The following TFB2M variants were observed in gnomAD, a reference collection of about 807,000 sequenced individuals.
TFB2M encodes the protein dimethyladenosine transferase 2, mitochondrial.
Under a neutral mutation model 41.3 loss-of-function variants are expected in TFB2M, and 44 were observed. The observed-to-expected ratio is 1.07, with a 90% CI of 0.84 to 1.37. TFB2M has a LOEUF of 1.37. TFB2M is among the 40% of genes most tolerant of loss of function. The pLI, the probability that TFB2M is intolerant of heterozygous loss-of-function variation, is 0.00. For synonymous variants in TFB2M, 188 were observed against 176.8 expected (o/e 1.06, Z -0.50); for missense variants, 496 against 490.2 (o/e 1.01, Z -0.11).
At position 246,553,370 on chromosome 1, in the gene TFB2M, A is replaced by G. The variant is rs75951193; in HGVS notation, c.706-2068T>C. ...AAAGTAACTTAAAAGCTAGTAATTA[A>G]AAACACAAATAAATGGAGGCCAGGC... On this transcript the variant is annotated intron_variant, in intron 4 of 7. Coordinates refer to ENST00000366514, the MANE Select transcript of TFB2M (RefSeq NM_022366.3). 1.2e-3 allele frequency among the ~76,000 whole-genome samples: 182 copies of G among 152,306 alleles called. 2 individuals are homozygous for G. In the East Asian group the frequency reaches 0.029, roughly 24 times the overall value.
chr1:246,542,561 A>T (rs1414797791), intron 7 of TFB2M, among the ~76,000 whole-genome samples: 3 of 152,086 alleles, frequency 2.0e-5, no homozygotes, highest in South Asian at 4.1e-4. Flanking sequence ...AGTCCCAGCT[A>T]CTCAGGGAAG....
intron 4 of TFB2M, among the ~76,000 whole-genome samples, chr1:246,555,098 A>G (rs12088572): frequency 0.37 from 56,765 of 152,020 alleles, 11,396 homozygotes; most frequent in Non-Finnish European, 0.45. Flanking sequence ...TATATTCAAC[A>G]TGACTAATTA....
At chr1:246,549,622 TA>T (rs895532652) in intron 5 of TFB2M, among the ~76,000 whole-genome samples, 6 of 152,046 alleles carry the variant, frequency 3.9e-5, no homozygotes. Context: ...TATTCTCTAT[TA>T]AAAAAACTAT....
At chr1:246,549,034 CAAAT>C (rs1659097405) in intron 5 of TFB2M, among the ~76,000 whole-genome samples, 1 of 152,200 alleles carries the variant, frequency 6.6e-6, no homozygotes, top group African/African-American at 2.4e-5. Context: ...TGGAAATAAA[CAAAT>C]AAAGATACTA....
chr1:246,545,329 G>T (rs1347898282), intron 6 of TFB2M, among the ~76,000 whole-genome samples: 1 of 152,032 alleles, frequency 6.6e-6, no homozygotes, highest in African/African-American at 2.4e-5. Flanking sequence ...AGGAGTTCAA[G>T]ACCAGCCTGG....
At chr1:246,562,576 C>A (rs1659482606) in intron 2 of TFB2M, among the ~76,000 whole-genome samples, 1 of 151,938 alleles carries the variant, frequency 6.6e-6, no homozygotes, top group East Asian at 1.9e-4. Context: ...GTATACAACA[C>A]GAAGATGAGG....
At chr1:246,564,228 A>G in intron 2 of TFB2M, 118 bp downstream of exon 2, 1 of 802,188 alleles carries the variant, frequency 1.2e-6, no homozygotes. Context: ...AAGATATTTC[A>G]GAGATGGCTC....
chr1:246,543,409 C>T (rs867221788), intron 7 of TFB2M, among the ~76,000 whole-genome samples: 6 of 152,158 alleles, frequency 3.9e-5, no homozygotes, highest in Admixed American at 1.3e-4. Context: ...TGGCTGGGCG[C>T]GGGAGCTCAT....
rs891602905 is a variant in TFB2M, at chr1:246,556,737, G to A, written c.557-16C>T. The A allele has an allele frequency of 2.0e-6, 3 of 1,537,730 alleles. No homozygotes were observed. Among genetic ancestry groups the A allele is most frequent in the Non-Finnish European group, 1.7e-6 (2 of 1,154,088 alleles). On this transcript the variant is annotated splice_polypyrimidine_tract_variant and intron_variant, in intron 3 of 7. Transcript: ENST00000366514. ...AAAGGGATGTCTGTTAGGAATATAA[G>A]CAAAAAGATTTGAATAAAGTTCTTA... is the stretch of plus-strand genomic sequence containing the variant.
intron 6 of TFB2M, among the ~76,000 whole-genome samples, chr1:246,545,023 T>A (rs370774782): frequency 2.5e-4 from 38 of 151,438 alleles, no homozygotes; most frequent in African/African-American, 8.7e-4. Context: ...GCCAGGATGG[T>A]CTCGATCTCC....
In TFB2M at chr1:246,564,383, G is replaced by A. The variant is rs530205512; in HGVS notation, c.365C>T (p.Ala122Val). Residue 122 changes from alanine (A) to valine (V), a missense_variant, in exon 2 of 8, where the codon GCG (alanine) becomes GTG (valine). Transcript: ENST00000366514. ...ALLEAGAKVV[A>V]LESDKTFIPH... ...AATAAAAGTTTTGTCACTTTCGAGCGCAACCACTTTGGCACCAGCTTCAAG... is the reference window on the plus strand; with the variant it reads ...AATAAAAGTTTTGTCACTTTCGAGCACAACCACTTTGGCACCAGCTTCAAG... 6.2e-7 allele frequency: 1 copy of A among 1,614,104 alleles called. No homozygotes were observed. The highest frequency in any genetic ancestry group is 8.5e-7 in the Non-Finnish European group (1 of 1,179,990).
chr1:246,556,414 C>T (rs982687031), intron 4 of TFB2M, among the ~76,000 whole-genome samples, 159 bp downstream of exon 4: 1 of 152,116 alleles, frequency 6.6e-6, no homozygotes, highest in Non-Finnish European at 1.5e-5. Flanking sequence ...CAACTGTACA[C>T]TGAAAAAGCA....
intron 4 of TFB2M, among the ~76,000 whole-genome samples, chr1:246,554,544 TG>T (rs1473755021): frequency 2.0e-5 from 3 of 152,160 alleles, no homozygotes; most frequent in Non-Finnish European, 4.4e-5. Context: ...CTAATCCCGA[TG>T]ATCTGTCACT....
At chr1:246,557,254 C>A in intron 3 of TFB2M, 127 bp downstream of exon 3, 1 of 1,078,054 alleles carries the variant, frequency 9.3e-7, no homozygotes, top group Non-Finnish European at 1.3e-6. Context: ...GCCTGGGTGA[C>A]AGAGTGAGAC....
At chr1:246,560,415 T>C (rs752786018) in intron 2 of TFB2M, among the ~76,000 whole-genome samples, 12 of 152,078 alleles carry the variant, frequency 7.9e-5, no homozygotes, top group Non-Finnish European at 1.5e-4. Context: ...CCCAGTTGCT[T>C]GGGAGGCTGA....
At chr1:246,565,289 T>C (rs1320751450) in intron 1 of TFB2M, among the ~76,000 whole-genome samples, 1 of 152,240 alleles carries the variant, frequency 6.6e-6, no homozygotes, top group Non-Finnish European at 1.5e-5. Context: ...GGAGATAAGA[T>C]CTAAGAGCAT....
chr1:246,544,947 A>G (rs1220489147), intron 6 of TFB2M, among the ~76,000 whole-genome samples: 1 of 152,152 alleles, frequency 6.6e-6, no homozygotes, highest in East Asian at 2.0e-4. Context: ...CTGGGACTAC[A>G]GGCGCCCACC....
rs1285805946 is a variant in TFB2M at position 246,566,229 on chromosome 1, G to T, written c.-91C>A. ...GGTATCCCACGTGGAACATTTTCTGGCGTCCGGGCCAGGTCAAGCGGAAGT... is the reference window on the plus strand; with the variant it reads ...GGTATCCCACGTGGAACATTTTCTGTCGTCCGGGCCAGGTCAAGCGGAAGT... On this transcript the variant is annotated 5_prime_UTR_variant, in exon 1 of 8. Transcript: ENST00000366514. The T allele has an allele frequency of 1.1e-5, 15 of 1,360,784 alleles. No individual in the cohort carries two copies. The East Asian group carries it at 3.1e-4, about 28-fold the overall frequency. The allele number at this position is 1,360,784 out of a possible 1,614,324, so 84.3% of individuals were successfully genotyped here. A position where few individuals can be genotyped will look rare whatever the true frequency, so the allele number is the denominator to read the frequency against.
chr1:246,546,114 C>T (rs955912527), intron 6 of TFB2M, among the ~76,000 whole-genome samples: 13 of 151,394 alleles, frequency 8.6e-5, no homozygotes, highest in Admixed American at 6.6e-5. Flanking sequence ...CAAGAGTTAG[C>T]GACCAGCCTG....
Sources: gnomAD v4.1 joint callset for allele counts (sites outside exome capture counted in the v4.1 genomes callset) on GRCh38, gnomAD v4.1.1 for gene constraint, MANE v1.5 for transcripts, NCBI Gene and HGNC (gene_info 2026-07-23, HGNC 2026-07-21) for gene names.